Variants in ZNF90 observed in about 807,000 individuals in gnomAD.
ZNF90 encodes zinc finger protein 90.
ZNF90 carries 11 observed loss-of-function variants against 12.0 expected under a neutral mutation model. The observed-to-expected ratio is 0.92, with a 90% CI of 0.58 to 1.52. ZNF90 has a LOEUF of 1.52. Among genes scored for constraint, ZNF90 ranks in the 40% most tolerant of loss-of-function variants. The probability of loss-of-function intolerance (pLI) is 0.00; values close to 1 mark genes in which losing one functional copy is unlikely to be tolerated. For missense variants in ZNF90, 765 were observed against 711.5 expected (o/e 1.08, Z -0.86); for synonymous variants, 232 against 240.1 (o/e 0.97, Z 0.31).
At position 20,084,945 on chromosome 19, in the gene ZNF90, T is replaced by C. The variant is rs111883594; in HGVS notation, c.3+6810T>C. Among the ~76,000 whole-genome samples, 637 of 152,272 alleles carry C rather than the reference T, an allele frequency of 4.2e-3. 6 individuals carry two copies. Among genetic ancestry groups the C allele is most frequent in the African/African-American group, 0.015 (609 of 41,574 alleles). ...ATGGGTCCCATTGGTCAATTTTTGCTTTTGTTGCAGTAGCTTTTGGTAGCT... is the reference window on the plus strand; with the variant it reads ...ATGGGTCCCATTGGTCAATTTTTGCCTTTGTTGCAGTAGCTTTTGGTAGCT... On this transcript the variant is annotated intron_variant, in intron 1 of 3. Transcript: ENST00000418063.
At chr19:20,104,055 C>CT (rs1555704122) in intron 1 of ZNF90, among the ~76,000 whole-genome samples, 184 bp from the exon 2 acceptor site, 1 of 152,096 alleles carries the variant, frequency 6.6e-6, no homozygotes, top group Non-Finnish European at 1.5e-5. Context: ...CTATTCTGCT[C>CT]TTTTTTCTCA....
At chr19:20,078,343 C>T (rs1376699956) in intron 1 of ZNF90, among the ~76,000 whole-genome samples, 1 of 152,102 alleles carries the variant, frequency 6.6e-6, no homozygotes, top group Non-Finnish European at 1.5e-5. Flanking sequence ...CTCTTCCCTG[C>T]CCTGGCCTGG....
At chr19:20,102,418 T>TA (rs1280996933) in intron 1 of ZNF90, among the ~76,000 whole-genome samples, 8 of 152,162 alleles carry the variant, frequency 5.3e-5, no homozygotes, top group African/African-American at 1.9e-4. Flanking sequence ...AGAATTAGCT[T>TA]AGACTGTGGT....
At chr19:20,116,517 T>G (rs1412873184) in intron 3 of ZNF90, among the ~76,000 whole-genome samples, 13 of 152,262 alleles carry the variant, frequency 8.5e-5, no homozygotes, top group Admixed American at 8.5e-4. Context: ...TTTTTATAGT[T>G]GCTTTTGAAA....
At chr19:20,105,621 TG>T (rs2089029761) in intron 3 of ZNF90, among the ~76,000 whole-genome samples, 2 of 152,192 alleles carry the variant, frequency 1.3e-5, no homozygotes, top group South Asian at 2.1e-4. Context: ...TACATCGTCT[TG>T]GGGACACAGA....
At position 20,119,945 on chromosome 19, in the gene ZNF90, T is replaced by C. The variant is rs991715453; in HGVS notation, c.*585T>C. On this transcript the variant is annotated 3_prime_UTR_variant, in exon 4 of 4. Transcript: ENST00000418063. ...CATGCTGAAGAGGAACTTTACAAAC[T>C]TGAAAGATGTGACAGTGCTTTTACC... 6.6e-6 allele frequency among the ~76,000 whole-genome samples: 1 copy of C among 152,168 alleles called. No individual in the cohort carries two copies. The highest frequency in any genetic ancestry group is 2.4e-5 in the African/African-American group (1 of 41,436).
intron 1 of ZNF90, among the ~76,000 whole-genome samples, chr19:20,082,029 G>T (rs549797281): frequency 6.6e-6 from 1 of 152,052 alleles, no homozygotes; most frequent in East Asian, 1.9e-4. Flanking sequence ...CTCCTAAAGT[G>T]CTGGGATTAC....
At chr19:20,085,421 G>A (rs538083446) in intron 1 of ZNF90, among the ~76,000 whole-genome samples, 21 of 152,014 alleles carry the variant, frequency 1.4e-4, no homozygotes, top group African/African-American at 4.3e-4. Context: ...CACCGCGCCC[G>A]GCTAATTTTT....
At position 20,119,112 on chromosome 19, in the gene ZNF90, C is replaced by A. The variant is rs782315108; in HGVS notation, c.1558C>A (p.Arg520Ser). 1.9e-6 allele frequency: 3 copies of A among 1,612,542 alleles called. No individual in the cohort carries two copies. Among genetic ancestry groups the A allele is most frequent in the South Asian group, 2.2e-5 (2 of 90,920 alleles). Residue 520 changes from arginine to serine, a missense_variant, in exon 4 of 4, where the codon CGC becomes AGC. Transcript: ENST00000418063. ...TGAAGAATGTGGCAAAGCCTTCAAG[C>A]GCTCCTCAGTCCTTAGTAAACATAA... Reference protein sequence around the residue: ...KCEECGKAFKRSSVLSKHKII... With the variant: ...KCEECGKAFKSSSVLSKHKII...
intron 2 of ZNF90, among the ~76,000 whole-genome samples, chr19:20,104,916 C>T (rs1171948481): frequency 6.6e-6 from 1 of 152,102 alleles, no homozygotes; most frequent in African/African-American, 2.4e-5. Context: ...ATTTGTTGAA[C>T]CTGAAAGGCA....
At chr19:20,111,220 G>A (rs1160118191) in intron 3 of ZNF90, among the ~76,000 whole-genome samples, 1 of 152,132 alleles carries the variant, frequency 6.6e-6, no homozygotes, top group Non-Finnish European at 1.5e-5. Flanking sequence ...TTACAGGCAT[G>A]AGCCACTGTG....
chr19:20,097,641 T>C (rs1283243154), intron 1 of ZNF90, among the ~76,000 whole-genome samples: 2 of 152,218 alleles, frequency 1.3e-5, no homozygotes, highest in African/African-American at 4.8e-5. Context: ...AAATGTGCTA[T>C]AAACATGCTG....
intron 1 of ZNF90, 72 bp from the exon 2 acceptor site, chr19:20,104,167 C>T: frequency 6.3e-7 from 1 of 1,599,682 alleles, no homozygotes; most frequent in Admixed American, 1.7e-5. Flanking sequence ...CCAATTTCAC[C>T]TTAACTCAAA....
At chr19:20,083,642 T>C (rs557405534) in intron 1 of ZNF90, among the ~76,000 whole-genome samples, 1 of 152,290 alleles carries the variant, frequency 6.6e-6, no homozygotes, top group Non-Finnish European at 1.5e-5. Flanking sequence ...ATTAGTTTTC[T>C]AAGAATAATG....
At chr19:20,097,812 C>T (rs1555703413) in intron 1 of ZNF90, among the ~76,000 whole-genome samples, 1 of 152,182 alleles carries the variant, frequency 6.6e-6, no homozygotes, top group Non-Finnish European at 1.5e-5. Context: ...TCACAATTGC[C>T]ACAAGTAGTT....
chr19:20,108,219 T>A (rs2089056144), intron 3 of ZNF90, among the ~76,000 whole-genome samples: 1 of 152,258 alleles, frequency 6.6e-6, no homozygotes, highest in Admixed American at 6.5e-5. Context: ...TCTGAAATTT[T>A]ACTGCCACAG....
In ZNF90 at chr19:20,089,235, CTA is replaced by C. The variant is rs782252144; in HGVS notation, c.3+11102_3+11103del. Reference sequence around the variant, plus strand: ...TGGTGTATGAGAAAACATTGAGTATCTATGAGCAACCTTTCACTGTTATTTTC... The same window carrying C: ...TGGTGTATGAGAAAACATTGAGTATCTGAGCAACCTTTCACTGTTATTTTC... On this transcript the variant is annotated intron_variant, in intron 1 of 3. Transcript: ENST00000418063. Among the ~76,000 whole-genome samples, 48 of 152,190 alleles carry C rather than the reference CTA, an allele frequency of 3.2e-4. No individual in the cohort carries two copies. In the South Asian group the frequency reaches 6.4e-3, roughly 20 times the overall value.
intron 3 of ZNF90, among the ~76,000 whole-genome samples, chr19:20,117,054 A>T (rs1276156662): frequency 2.4e-4 from 29 of 118,412 alleles, no homozygotes; most frequent in African/African-American, 1.1e-3. Context: ...TGTGAGAGAG[A>T]GAGAGAGAGA....
Position 20,078,153 on chromosome 19 carries a change from G to A in ZNF90, c.3+18G>A. On this transcript the variant is annotated intron_variant, in intron 1 of 3. Transcript: ENST00000418063. ...TAGAAATGGTGAGAGTGCCTTTCCAGCATTCCGAGAGAGGGGAGGGACTGG... is the reference window on the plus strand; with the variant it reads ...TAGAAATGGTGAGAGTGCCTTTCCAACATTCCGAGAGAGGGGAGGGACTGG... 6.2e-7 allele frequency: 1 copy of A among 1,614,102 alleles called. No individual in the cohort carries two copies. The highest frequency in any genetic ancestry group is 8.5e-7 in the Non-Finnish European group (1 of 1,179,990).
Sources: allele counts gnomAD v4.1 joint callset (sites outside exome capture counted in the v4.1 genomes callset), GRCh38; gene constraint gnomAD v4.1.1; transcripts MANE v1.5; gene names NCBI Gene and HGNC (gene_info 2026-07-23, HGNC 2026-07-21).